Variants in KIFC3 observed in about 807,000 individuals in gnomAD.
KIFC3 encodes kinesin-like protein KIFC3.
In KIFC3, 60 loss-of-function variants were observed where a neutral mutation model predicts 101.8. The observed-to-expected ratio is 0.59, with a 90% CI of 0.48 to 0.73. The LOEUF (loss-of-function observed/expected upper bound fraction) is 0.73, where lower values mean the gene tolerates loss of function less well. Ranked by LOEUF, KIFC3 falls within the 30% of genes least tolerant of loss-of-function variation. KIFC3 has a pLI of 0.00. For synonymous variants in KIFC3, 476 were observed against 482.7 expected (o/e 0.99, Z 0.18); for missense variants, 966 against 1,137.1 (o/e 0.85, Z 2.16).
chr16:57,840,312 T>C (rs1005817771), intron 1 of KIFC3, among the ~76,000 whole-genome samples: 1 of 152,078 alleles, frequency 6.6e-6, no homozygotes, highest in Admixed American at 6.6e-5. Flanking sequence ...AACTCCAGCC[T>C]GAGTGACAGA....
intron 4 of KIFC3, 102 bp downstream of exon 4, chr16:57,772,121 C>T (rs1319653239): frequency 1.2e-5 from 12 of 980,358 alleles, no homozygotes; most frequent in South Asian, 3.0e-5. Flanking sequence ...GTGGGATATG[C>T]GGGCTCAGGA....
chr16:57,799,082 A>C (rs1237997507), intron 1 of KIFC3, among the ~76,000 whole-genome samples: 1 of 152,210 alleles, frequency 6.6e-6, no homozygotes, highest in Non-Finnish European at 1.5e-5. Context: ...CGAGCCAGGC[A>C]CCAGGTGGTG....
chr16:57,827,228 C>T (rs922125155), intron 1 of KIFC3, among the ~76,000 whole-genome samples: 2 of 152,222 alleles, frequency 1.3e-5, no homozygotes, highest in Admixed American at 6.5e-5. Flanking sequence ...CTGGCGTCAG[C>T]GAGCTCAGGG....
intron 2 of KIFC3, chr16:57,797,626 T>C (rs2054442035): frequency 9.9e-7 from 1 of 1,006,156 alleles, no homozygotes; most frequent in Non-Finnish European, 1.2e-6. Flanking sequence ...CTCGGTCCAC[T>C]CCCAACGCCG....
intron 1 of KIFC3, chr16:57,830,696 G>A (rs79837276): frequency 0.069 from 10,493 of 152,242 alleles, 559 homozygotes; most frequent in South Asian, 0.12. Context: ...CCCAAAGGAT[G>A]GTAGTGAGAA....
chr16:57,847,191 G>GA lies in KIFC3; in HGVS notation c.108+15537dup, dbSNP rs1567339167. 1.0e-3 allele frequency among the ~76,000 whole-genome samples: 130 copies of GA among 127,216 alleles called. 1 individual carries two copies. The highest frequency in any genetic ancestry group is 2.3e-3 in the East Asian group (9 of 3,834). The allele number at this position is 127,216 out of a possible 152,430, so 83.5% of individuals were successfully genotyped here. On this transcript the variant is annotated intron_variant, in intron 1 of 2. Coordinates refer to the KIFC3 transcript ENST00000563028. ...CAGAGCAATGAATCTGTGAAGGAAGGAGGGAAGGAAGGAAGGAAGGAAGGA... is the reference window on the plus strand; with the variant it reads ...CAGAGCAATGAATCTGTGAAGGAAGGAAGGGAAGGAAGGAAGGAAGGAAGGA...
At chr16:57,777,735 T>C (rs1352146983) in intron 3 of KIFC3, among the ~76,000 whole-genome samples, 2 of 146,198 alleles carry the variant, frequency 1.4e-5, no homozygotes, top group Non-Finnish European at 3.0e-5. Context: ...AAAAAAAAAA[T>C]TAAAAAAAAA....
chr16:57,853,438 TAA>T (rs1421170218), intron 1 of KIFC3, among the ~76,000 whole-genome samples: 17 of 150,774 alleles, frequency 1.1e-4, no homozygotes, highest in Non-Finnish European at 1.0e-4. Flanking sequence ...TAAAATAAAA[TAA>T]AATAAAATAG....
chr16:57,825,300 C>A (rs190319774), intron 1 of KIFC3, among the ~76,000 whole-genome samples: 54 of 152,342 alleles, frequency 3.5e-4, no homozygotes, highest in African/African-American at 1.2e-3. Context: ...CAACAAATGC[C>A]AAGCATCTGC....
At chr16:57,803,123 C>T, upstream of KIFC3, 1 of 1,203,642 alleles carries the variant, frequency 8.3e-7, no homozygotes, top group Admixed American at 2.0e-5. Flanking sequence ...CAGCCCCACC[C>T]CAGCAAATGA....
In KIFC3 at chr16:57,798,174, G is replaced by C; in HGVS notation, c.70C>G (p.Arg24Gly). ...PSLRGLWRVG[R>G]APEPEPGMAR... ...ATCCCCGGCTCGGGCTCCGGGGCCC[G>C]GCCCACTCTCCACAGGCCCCGCAGC... Residue 24 changes from arginine (R) to glycine (G), a missense_variant, in exon 2 of 20, where the codon CGG becomes GGG. Physicochemically the swap from Arg to Gly is moderately radical, Grantham distance 125. Coordinates refer to ENST00000445690, the MANE Select transcript of KIFC3 (RefSeq NM_001130100.2). 1 of 1,540,202 alleles carries C rather than the reference G, an allele frequency of 6.5e-7. No homozygotes were observed. The highest frequency in any genetic ancestry group is 2.0e-5 in the Admixed American group (1 of 49,762).
intron 3 of KIFC3, 68 bp from the exon 4 acceptor site, chr16:57,772,356 G>A: frequency 7.4e-7 from 1 of 1,359,440 alleles, no homozygotes; most frequent in Non-Finnish European, 1.0e-6. Context: ...CAGGCCTCCT[G>A]CCCAGCACCA....
At chr16:57,797,970 A>C (rs782585995) in intron 2 of KIFC3, 102 bp downstream of exon 2, 3 of 1,545,380 alleles carry the variant, frequency 1.9e-6, no homozygotes, top group Non-Finnish European at 2.6e-6. Flanking sequence ...ATTACCTGAC[A>C]GCTCTGACTG....
In KIFC3 at chr16:57,758,456, G is replaced by T. The variant is rs1214125005; in HGVS notation, c.*478C>A. 1 of 385,770 alleles carries T rather than the reference G, an allele frequency of 2.6e-6. No individual in the cohort carries two copies. Among genetic ancestry groups the T allele is most frequent in the African/African-American group, 2.1e-5 (1 of 47,968 alleles). The allele number at this position is 385,770 out of a possible 1,614,324, so 23.9% of individuals were successfully genotyped here. A position where few individuals can be genotyped will look rare whatever the true frequency, so the allele number is the denominator to read the frequency against. ...TGCGGGAACCCTCCTTGAAGGAGAGGGGCGGGGAGGGCTGCCATTGGTGCC... is the reference window on the plus strand; with the variant it reads ...TGCGGGAACCCTCCTTGAAGGAGAGTGGCGGGGAGGGCTGCCATTGGTGCC... On this transcript the variant is annotated 3_prime_UTR_variant, in exon 20 of 20. Coordinates refer to ENST00000445690, the MANE Select transcript of KIFC3 (RefSeq NM_001130100.2).
At chr16:57,762,081 A>G in intron 13 of KIFC3, 59 bp downstream of exon 13, 1 of 1,497,942 alleles carries the variant, frequency 6.7e-7, no homozygotes, top group Non-Finnish European at 8.9e-7. Flanking sequence ...TTCCAGCACC[A>G]CCCCGGAGGA....
intron 1 of KIFC3, among the ~76,000 whole-genome samples, chr16:57,801,285 G>A (rs2054708245): frequency 6.6e-6 from 1 of 152,274 alleles, no homozygotes; most frequent in African/African-American, 2.4e-5. Flanking sequence ...AGCAGGGCTT[G>A]GTCGCCCTGG....
intron 3 of KIFC3, among the ~76,000 whole-genome samples, chr16:57,782,540 C>T (rs11859750): frequency 0.02 from 3,093 of 152,322 alleles, 120 homozygotes; most frequent in African/African-American, 0.071. Context: ...AGCTCCAGGC[C>T]CATGTGGTTG....
chr16:57,821,432 CA>C (rs2055348070), intron 1 of KIFC3, among the ~76,000 whole-genome samples: 1 of 152,168 alleles, frequency 6.6e-6, no homozygotes, highest in Non-Finnish European at 1.5e-5. Flanking sequence ...CAGCTACCAC[CA>C]CAGAGACCAG....
chr16:57,770,082 C>T, intron 7 of KIFC3, 127 bp from the exon 8 acceptor site: 2 of 1,166,892 alleles, frequency 1.7e-6, no homozygotes, highest in Non-Finnish European at 2.4e-6. Context: ...ATGTGCACAC[C>T]CAGAGGGGCA....
Sources: allele counts gnomAD v4.1 joint callset (sites outside exome capture counted in the v4.1 genomes callset), GRCh38; gene constraint gnomAD v4.1.1; transcripts MANE v1.5; gene names NCBI Gene and HGNC (gene_info 2026-07-23, HGNC 2026-07-21).